Variants in RIC1 observed in about 807,000 individuals in gnomAD.
The protein encoded by RIC1 is guanine nucleotide exchange factor subunit RIC1.
A neutral mutation model predicts 169.0 loss-of-function variants in RIC1; 88 were observed. The ratio of observed to expected loss-of-function variants is 0.52; its 90% CI spans 0.44 to 0.62. The LOEUF (loss-of-function observed/expected upper bound fraction) is 0.62. RIC1 is among the 20% of genes least tolerant of loss of function. The probability of loss-of-function intolerance (pLI) is 0.00; values close to 1 mark genes in which losing one functional copy is unlikely to be tolerated. For missense variants in RIC1, 1,877 were observed against 1,725.5 expected (o/e 1.09, Z -1.56); for synonymous variants, 790 against 601.5 (o/e 1.31, Z -4.59).
intron 21 of RIC1, among the ~76,000 whole-genome samples, chr9:5,766,958 C>A (rs1052873762): frequency 1.3e-5 from 2 of 152,204 alleles, no homozygotes; most frequent in African/African-American, 4.8e-5. Flanking sequence ...ACATTCCCAC[C>A]GGCAGTGTAG....
chr9:5,689,588 G>A (rs549178329), intron 2 of RIC1, among the ~76,000 whole-genome samples: 1 of 152,154 alleles, frequency 6.6e-6, no homozygotes, highest in Non-Finnish European at 1.5e-5. Flanking sequence ...AAGCCATAAA[G>A]TGGCATTGTT....
chr9:5,765,082 A>G (rs1826623541), intron 19 of RIC1: 1 of 183,392 alleles, frequency 5.5e-6, no homozygotes, highest in East Asian at 1.5e-4. Flanking sequence ...TTTTCTGCTG[A>G]TCTTCAACAA....
At position 5,715,732 on chromosome 9, in the gene RIC1, A is replaced by C. The variant is rs145538091; in HGVS notation, c.440+1729A>C. Among the ~76,000 whole-genome samples the C allele has an allele frequency of 7.4e-3, 1,129 of 152,228 alleles. 13 individuals carry two copies. The highest frequency in any genetic ancestry group is 0.026 in the African/African-American group (1,091 of 41,540). ...GTTAAGCATCTAACTTTTGTTATTA[A>C]TTGAGGATAGAGAATGTTTAGAAGG... On this transcript the variant is annotated intron_variant, in intron 4 of 25. Coordinates refer to ENST00000414202, the MANE Select transcript of RIC1 (RefSeq NM_020829.4).
chr9:5,766,816 A>T (rs1036204997), intron 21 of RIC1, among the ~76,000 whole-genome samples: 8 of 152,290 alleles, frequency 5.3e-5, no homozygotes, highest in African/African-American at 1.9e-4. Flanking sequence ...CGTGTGTGCA[A>T]GTATCTTTTT....
chr9:5,738,614 T>C lies in RIC1; in HGVS notation c.901+76T>C, dbSNP rs555416275. ...TGCCATTTGTAGCAGATGCTGATTT[T>C]AAGTTAAACAATACATGTCATGCTA... is the stretch of plus-strand genomic sequence containing the variant. On this transcript the variant is annotated intron_variant, in intron 8 of 25. Transcript: ENST00000414202. 147 of 860,826 alleles carry C rather than the reference T, an allele frequency of 1.7e-4. No homozygotes were observed. In the East Asian group the frequency reaches 4.1e-3, roughly 24 times the overall value. 53.3% of individuals were successfully genotyped at this position (860,826 alleles called of 1,614,324 possible). A position where few individuals can be genotyped will look rare whatever the true frequency, so the allele number is the denominator to read the frequency against.
At chr9:5,656,248 C>G (rs943164833) in intron 1 of RIC1, among the ~76,000 whole-genome samples, 2 of 152,164 alleles carry the variant, frequency 1.3e-5, no homozygotes, top group Admixed American at 1.3e-4. Flanking sequence ...GGAAGTACTC[C>G]TGCTTCTATC....
intron 1 of RIC1, among the ~76,000 whole-genome samples, chr9:5,651,755 A>G (rs552443983): frequency 6.4e-4 from 97 of 151,430 alleles, no homozygotes; most frequent in African/African-American, 2.2e-3. Context: ...TTTATTAGAG[A>G]TGGGGTTTTG....
chr9:5,701,358 C>G (rs1299415362), intron 3 of RIC1, among the ~76,000 whole-genome samples: 1 of 152,150 alleles, frequency 6.6e-6, no homozygotes, highest in Non-Finnish European at 1.5e-5. Context: ...CGCCTGCAAT[C>G]TCAGCACTTT....
At chr9:5,694,633 A>T (rs963211595) in intron 3 of RIC1, among the ~76,000 whole-genome samples, 1 of 152,188 alleles carries the variant, frequency 6.6e-6, no homozygotes, top group Admixed American at 6.5e-5. Context: ...TAAGTTCTGG[A>T]TAGTGAAAAC....
At chr9:5,721,664 G>A in intron 6 of RIC1, among the ~76,000 whole-genome samples, 1 of 152,062 alleles carries the variant, frequency 6.6e-6, no homozygotes. Flanking sequence ...CTTGAAAGTG[G>A]GTTTTCACTG....
At position 5,679,657 on chromosome 9, in the gene RIC1, A is replaced by G. The variant is rs533726640; in HGVS notation, c.253-10302A>G. Among the ~76,000 whole-genome samples, 42 of 152,308 alleles carry G rather than the reference A, an allele frequency of 2.8e-4. No homozygotes were observed. The South Asian group carries it at 8.5e-3, about 31-fold the overall frequency. ...CTCTGTGTTTGTCTGTTATTGGTGT[A>G]TAAGAATGCTTGTGATTTTTGCACA... is the stretch of plus-strand genomic sequence containing the variant. On this transcript the variant is annotated intron_variant, in intron 2 of 25. Coordinates refer to ENST00000414202, the MANE Select transcript of RIC1 (RefSeq NM_020829.4).
Position 5,735,950 on chromosome 9 carries a change from G to C in RIC1, c.813-2500G>C, listed in dbSNP as rs1824678977. Among the ~76,000 whole-genome samples the C allele has an allele frequency of 2.0e-5, 3 of 152,182 alleles. No individual in the cohort carries two copies. In the South Asian group the frequency reaches 6.2e-4, roughly 32 times the overall value. On this transcript the variant is annotated intron_variant, in intron 7 of 25. Transcript: ENST00000414202. ...CTCTCTTATAGAGATTTGCTTTGGA[G>C]TTAGTAAGTCCTGTCTTTTTAATGA...
At chr9:5,716,438 C>A (rs555656316) in intron 4 of RIC1, among the ~76,000 whole-genome samples, 1 of 152,074 alleles carries the variant, frequency 6.6e-6, no homozygotes, top group Admixed American at 6.6e-5. Flanking sequence ...CATAGTGAAA[C>A]CCTGTCTCTA....
At chr9:5,654,115 C>A (rs969917321) in intron 1 of RIC1, among the ~76,000 whole-genome samples, 1 of 152,090 alleles carries the variant, frequency 6.6e-6, no homozygotes, top group Non-Finnish European at 1.5e-5. Context: ...TCTCCCACTT[C>A]AGCCTCCTGA....
At position 5,763,012 on chromosome 9, in the gene RIC1, G is replaced by C. The variant is rs1172978970; in HGVS notation, c.2113-128G>C. On this transcript the variant is annotated intron_variant, in intron 18 of 25. Coordinates refer to ENST00000414202, the MANE Select transcript of RIC1 (RefSeq NM_020829.4). The surrounding 1 kb of genome is among the most constrained non-coding windows in gnomAD (Gnocchi z 5.2). ...CTTTTATTAACTCTAATTCTAATTA[G>C]ATCCCTTTGCTTTTCCCAAAAAAAT... 9.1e-7 allele frequency: 1 copy of C among 1,095,546 alleles called. No homozygotes were observed. The highest frequency in any genetic ancestry group is 1.3e-6 in the Non-Finnish European group (1 of 782,776). 67.9% of individuals were successfully genotyped at this position (1,095,546 alleles called of 1,614,324 possible).
chr9:5,656,996 G>A (rs867902693), intron 2 of RIC1, among the ~76,000 whole-genome samples: 11 of 150,570 alleles, frequency 7.3e-5, no homozygotes, highest in East Asian at 2.0e-4. Flanking sequence ...TATTCTGTGC[G>A]TGTTACTCCT....
rs1325713391 is a variant in RIC1 at position 5,710,347 on chromosome 9, A to G, written c.333-3549A>G. Among the ~76,000 whole-genome samples the G allele has an allele frequency of 5.3e-5, 8 of 152,202 alleles. No individual in the cohort carries two copies. In the South Asian group the frequency reaches 1.2e-3, roughly 24 times the overall value. On this transcript the variant is annotated intron_variant, in intron 3 of 25. Coordinates refer to ENST00000414202, the MANE Select transcript of RIC1 (RefSeq NM_020829.4). ...ATATTTAACAGAAGAGTGAGATGCTAAAGTTGTCATAGTGCCTCTTTACCC... is the reference window on the plus strand; with the variant it reads ...ATATTTAACAGAAGAGTGAGATGCTGAAGTTGTCATAGTGCCTCTTTACCC...
intron 7 of RIC1, among the ~76,000 whole-genome samples, chr9:5,734,167 C>A (rs1056156991): frequency 9.9e-5 from 15 of 151,016 alleles, no homozygotes; most frequent in Non-Finnish European, 1.9e-4. Context: ...AGTGCAAGAG[C>A]GTGATCTTGG....
intron 1 of RIC1, among the ~76,000 whole-genome samples, chr9:5,645,181 G>C (rs892382200): frequency 1.3e-5 from 2 of 151,822 alleles, no homozygotes; most frequent in African/African-American, 2.4e-5. Flanking sequence ...AGCCTCCCTA[G>C]TAGCTGGGAC....
Sources: allele counts gnomAD v4.1 joint callset (sites outside exome capture counted in the v4.1 genomes callset), GRCh38; gene constraint gnomAD v4.1.1; non-coding constraint Gnocchi (gnomAD v3.1); transcripts MANE v1.5; gene names NCBI Gene and HGNC (gene_info 2026-07-23, HGNC 2026-07-21).